The following BZW2 variants were observed in gnomAD, a reference collection of about 807,000 sequenced individuals.
BZW2 encodes eIF5-mimic protein 1.
A neutral mutation model predicts 53.2 loss-of-function variants in BZW2; 23 were observed. The observed-to-expected ratio is 0.43, with a 90% CI of 0.31 to 0.61. The LOEUF is 0.61. Among genes scored for constraint, BZW2 ranks in the 20% least tolerant of loss-of-function variants. The probability of loss-of-function intolerance (pLI) is 0.09; values close to 1 mark genes in which losing one functional copy is unlikely to be tolerated. For missense variants in BZW2, 409 were observed against 503.1 expected (o/e 0.81, Z 1.79); for synonymous variants, 227 against 186.4 (o/e 1.22, Z -1.77).
chr7:16,679,139 T>TG (rs1232210114), intron 3 of BZW2, among the ~76,000 whole-genome samples: 1 of 152,174 alleles, frequency 6.6e-6, no homozygotes. Context: ...CTAACAAGCC[T>TG]GGGGGTGCTG....
chr7:16,682,146 T>C (rs1330220417), intron 4 of BZW2, among the ~76,000 whole-genome samples: 1 of 152,208 alleles, frequency 6.6e-6, no homozygotes, highest in Non-Finnish European at 1.5e-5. Context: ...ATATAGCCTG[T>C]GTGTAGGAGA....
intron 5 of BZW2, 31 bp from the exon 6 acceptor site, chr7:16,685,874 T>TC: frequency 6.9e-7 from 1 of 1,452,048 alleles, no homozygotes; most frequent in Non-Finnish European, 9.1e-7. Context: ...CTTTTTCTTT[T>TC]TCTTTTTTTT....
chr7:16,673,808 A>G (rs970049053), intron 2 of BZW2, among the ~76,000 whole-genome samples: 28 of 152,180 alleles, frequency 1.8e-4, no homozygotes, highest in African/African-American at 6.5e-4. Flanking sequence ...GAGACCAAAA[A>G]GTTTAGCACA....
intron 9 of BZW2, 43 bp from the exon 10 acceptor site, chr7:16,698,005 C>G (rs1421425125): frequency 6.2e-7 from 1 of 1,611,816 alleles, no homozygotes; most frequent in Non-Finnish European, 8.5e-7. Context: ...GGCTCTGTAC[C>G]TCCCACGCAA....
rs202040617 is a variant in BZW2, at chr7:16,685,276, A to C, written c.406-629A>C. ...CCCTGCCTCTGGGGCAAGAGAATCT[A>C]AAAGTTTACCAAAAAAACATCAAGA... is the stretch of plus-strand genomic sequence containing the variant. On this transcript the variant is annotated intron_variant, in intron 5 of 11. Transcript: ENST00000258761. Among the ~76,000 whole-genome samples the C allele has an allele frequency of 1.6e-3, 239 of 152,312 alleles. 2 individuals are homozygous for C. Among genetic ancestry groups the C allele is most frequent in the African/African-American group, 5.4e-3 (226 of 41,558 alleles).
intron 1 of BZW2, among the ~76,000 whole-genome samples, chr7:16,657,511 G>C (rs1053329521): frequency 3.8e-4 from 57 of 151,956 alleles, no homozygotes; most frequent in African/African-American, 1.3e-3. Context: ...TTCTTTTTCT[G>C]CTCTCTTTAA....
intron 1 of BZW2, among the ~76,000 whole-genome samples, chr7:16,653,031 A>C (rs1782025572): frequency 9.7e-6 from 1 of 103,434 alleles, no homozygotes; most frequent in African/African-American, 4.4e-5. Flanking sequence ...ATGGAAAGTA[A>C]CTTTGTGTGT....
chr7:16,675,563 A>G (rs764614317), intron 3 of BZW2, among the ~76,000 whole-genome samples: 13 of 152,166 alleles, frequency 8.5e-5, no homozygotes, highest in Middle Eastern at 3.2e-3. Context: ...ATTTCAAGCA[A>G]TCTGTTTGGT....
At chr7:16,698,337 AC>A in intron 10 of BZW2, 151 bp downstream of exon 10, 1 of 1,069,930 alleles carries the variant, frequency 9.3e-7, no homozygotes, top group Non-Finnish European at 1.4e-6. Context: ...AGGCAACCAT[AC>A]CATGTAGAGA....
At chr7:16,692,093 T>C (rs1407381415) in intron 7 of BZW2, among the ~76,000 whole-genome samples, 2 of 152,212 alleles carry the variant, frequency 1.3e-5, no homozygotes, top group Admixed American at 6.5e-5. Flanking sequence ...TATGAACATA[T>C]ACAACAAAAT....
At chr7:16,680,879 G>A (rs572047202) in intron 3 of BZW2, among the ~76,000 whole-genome samples, 10 of 152,256 alleles carry the variant, frequency 6.6e-5, no homozygotes, top group African/African-American at 2.4e-4. Flanking sequence ...GCTGAGGTGG[G>A]CGGATCACAA....
chr7:16,651,704 A>C (rs1238618967), intron 1 of BZW2, among the ~76,000 whole-genome samples: 1 of 152,156 alleles, frequency 6.6e-6, no homozygotes, highest in Non-Finnish European at 1.5e-5. Context: ...TGGTGCCATA[A>C]ATTTTCTAAT....
At chr7:16,689,046 C>A (rs766242595) in intron 6 of BZW2, among the ~76,000 whole-genome samples, 5 of 151,964 alleles carry the variant, frequency 3.3e-5, no homozygotes, top group African/African-American at 4.8e-5. Context: ...CCCAACATGG[C>A]GAAACCCTGT....
rs1783861414 is a variant in BZW2 at position 16,706,473 on chromosome 7, GTGATTTGACAAACCAGTTTTTTA to G, written c.*386_*408del. 5.8e-6 allele frequency: 1 copy of G among 173,358 alleles called. No individual in the cohort carries two copies. Among genetic ancestry groups the G allele is most frequent in the South Asian group, 2.0e-4 (1 of 5,074 alleles). The allele number at this position is 173,358 out of a possible 1,614,324, so 10.7% of individuals were successfully genotyped here. A position where few individuals can be genotyped will look rare whatever the true frequency, so the allele number is the denominator to read the frequency against. ...GGTAGTTGTGTATCTGCTCATGTAT[GTGATTTGACAAACCAGTTTTTTA>G]AAATAAATGGCTTTTTAAAAATCTG... On this transcript the variant is annotated 3_prime_UTR_variant, in exon 12 of 12. Transcript: ENST00000258761.
chr7:16,669,364 G>A (rs2128356213), intron 2 of BZW2, among the ~76,000 whole-genome samples: 1 of 152,314 alleles, frequency 6.6e-6, no homozygotes, highest in African/African-American at 2.4e-5. Context: ...CTGGGCTCAA[G>A]TGATCCATCT....
chr7:16,704,474 CTG>C (rs1320817755), intron 10 of BZW2, 71 bp from the exon 11 acceptor site: 1 of 1,371,494 alleles, frequency 7.3e-7, no homozygotes, highest in Non-Finnish European at 9.8e-7. Flanking sequence ...TTCTATTAAA[CTG>C]TAATACATGA....
At chr7:16,685,560 A>G (rs1028342479) in intron 5 of BZW2, among the ~76,000 whole-genome samples, 1 of 152,126 alleles carries the variant, frequency 6.6e-6, no homozygotes, top group Admixed American at 6.5e-5. Context: ...ATTTCAGAAA[A>G]CATGTCCATC....
In BZW2 at chr7:16,706,423, A is replaced by G. The variant is rs1043232; in HGVS notation, c.*335A>G. ...TCAGGTACTGTGTGGTGACCGCCCC[A>G]CTGGTGTCTATTACAGGCCACTTTG... is the stretch of plus-strand genomic sequence containing the variant. On this transcript the variant is annotated 3_prime_UTR_variant, in exon 12 of 12. Transcript: ENST00000258761. The G allele has an allele frequency of 1.8e-5, 4 of 225,514 alleles. No homozygotes were observed. Among genetic ancestry groups the G allele is most frequent in the African/African-American group, 9.1e-5 (4 of 43,808 alleles). The allele number at this position is 225,514 out of a possible 1,614,324, so 14.0% of individuals were successfully genotyped here. A position where few individuals can be genotyped will look rare whatever the true frequency, so the allele number is the denominator to read the frequency against.
chr7:16,695,886 T>C (rs995230086), intron 8 of BZW2: 2 of 152,210 alleles, frequency 1.3e-5, no homozygotes, highest in African/African-American at 4.8e-5. Context: ...GATAGCAGTA[T>C]ATTTAATCAT....
Sources: allele counts gnomAD v4.1 joint callset (sites outside exome capture counted in the v4.1 genomes callset), GRCh38; gene constraint gnomAD v4.1.1; transcripts MANE v1.5; gene names NCBI Gene and HGNC (gene_info 2026-07-23, HGNC 2026-07-21).